Variants in ADAMTS14 observed in about 807,000 individuals in gnomAD.
ADAMTS14 encodes the protein ADAM metallopeptidase with thrombospondin type 1 motif 14.
ADAMTS14 carries 100 observed loss-of-function variants against 128.6 expected under a neutral mutation model. The observed-to-expected ratio is 0.78, with a 90% CI of 0.66 to 0.92. The LOEUF (loss-of-function observed/expected upper bound fraction) is 0.92. Ranked by LOEUF, ADAMTS14 falls within the 40% of genes least tolerant of loss-of-function variation. ADAMTS14 has a pLI of 0.00. For missense variants in ADAMTS14, 1,562 were observed against 1,658.6 expected, an observed-to-expected ratio of 0.94 and a Z score of 1.01; for synonymous variants, 665 against 653.8, an observed-to-expected ratio of 1.02 and a Z score of -0.26.
chr10:70,759,044 G>C (rs10823613), intron 21 of ADAMTS14, among the ~76,000 whole-genome samples: 84,683 of 150,296 alleles, frequency 0.56, 23,979 homozygotes, highest in Admixed American at 0.62. Flanking sequence ...CTGCAAATTC[G>C]TTAACCTCTC....
At chr10:70,700,002 C>T (rs1840446959) in intron 2 of ADAMTS14, among the ~76,000 whole-genome samples, 1 of 151,946 alleles carries the variant, frequency 6.6e-6, no homozygotes, top group Admixed American at 6.5e-5. Context: ...AGGAACAGCC[C>T]CTCTGGGTAT....
intron 21 of ADAMTS14, among the ~76,000 whole-genome samples, chr10:70,758,594 A>AT (rs1324947539): frequency 6.6e-6 from 1 of 152,266 alleles, no homozygotes; most frequent in African/African-American, 2.4e-5. Flanking sequence ...TTACAAGGTG[A>AT]TATCTCAGGC....
intron 19 of ADAMTS14, among the ~76,000 whole-genome samples, chr10:70,756,135 A>G (rs1461199225): frequency 6.6e-6 from 1 of 152,212 alleles, no homozygotes; most frequent in Non-Finnish European, 1.5e-5. Flanking sequence ...AGTATGAAGT[A>G]AAAAAGCACT....
chr10:70,751,010 A>C (rs906840354), intron 16 of ADAMTS14, among the ~76,000 whole-genome samples: 9 of 152,232 alleles, frequency 5.9e-5, no homozygotes, highest in Non-Finnish European at 5.9e-5. Flanking sequence ...TCAAGATTGA[A>C]AACTTAAGTG....
intron 4 of ADAMTS14, among the ~76,000 whole-genome samples, chr10:70,722,526 A>G (rs1442832221): frequency 6.6e-6 from 1 of 152,194 alleles, no homozygotes; most frequent in East Asian, 1.9e-4. Context: ...CCCTGAAAAC[A>G]GGGATAGCAT....
At position 70,702,401 on chromosome 10, in the gene ADAMTS14, T is replaced by C. The variant is rs772708307; in HGVS notation, c.612T>C (p.His204=). 6 of 1,613,842 alleles carry C rather than the reference T, an allele frequency of 3.7e-6. No individual in the cohort carries two copies. The Admixed American group carries it at 8.3e-5, about 22-fold the overall frequency. The part of the protein sequence containing the change: ...QQEKEASGRT[H]VVYRREAVQQ... ...AGAAGGAGGCCAGCGGGAGGACACA[T>C]GTGGTGTACCGCCGGGAGGCCGTCC... Residue 204 remains histidine, a synonymous_variant, in exon 3 of 22, where the codon CAT becomes CAC. Transcript: ENST00000373207.
intron 4 of ADAMTS14, among the ~76,000 whole-genome samples, chr10:70,713,016 G>C (rs1268865112): frequency 6.6e-6 from 1 of 152,236 alleles, no homozygotes; most frequent in East Asian, 1.9e-4. Flanking sequence ...TTAGGAGAGT[G>C]AGAGTGCCCA....
intron 2 of ADAMTS14, among the ~76,000 whole-genome samples, chr10:70,692,312 G>A (rs1263522955): frequency 6.6e-6 from 1 of 152,114 alleles, no homozygotes; most frequent in East Asian, 1.9e-4. Context: ...CTGTGAACCC[G>A]GCTCCAGGAG....
intron 4 of ADAMTS14, among the ~76,000 whole-genome samples, chr10:70,717,460 C>A (rs1256534912): frequency 6.6e-6 from 1 of 152,136 alleles, no homozygotes; most frequent in Non-Finnish European, 1.5e-5. Flanking sequence ...CCTGCAGAGA[C>A]CTCCCTGGCA....
chr10:70,691,859 G>A (rs866975072), intron 2 of ADAMTS14, among the ~76,000 whole-genome samples: 6 of 151,688 alleles, frequency 4.0e-5, no homozygotes, highest in East Asian at 1.9e-4. Flanking sequence ...TTGTATGCTC[G>A]TTTCCTCTCT....
In ADAMTS14 at chr10:70,745,237, CTGG is replaced by C; in HGVS notation, c.2197_2199del (p.Val733del). ...CCTGTGTGTGGCAGGAGCTCTCAAG[CTGG>C]TGCAGATCCCAGCAGGTGCCAGGCA... is the stretch of plus-strand genomic sequence containing the variant. On this transcript the variant is annotated inframe_deletion, in exon 15 of 22. Transcript: ENST00000373207. 6.2e-7 allele frequency: 1 copy of C among 1,612,034 alleles called. No homozygotes were observed. The highest frequency in any genetic ancestry group is 2.1e-4 in the Middle Eastern group (1 of 4,842).
chr10:70,749,403 A>G (rs1842280318), intron 15 of ADAMTS14, among the ~76,000 whole-genome samples: 1 of 152,168 alleles, frequency 6.6e-6, no homozygotes, highest in Non-Finnish European at 1.5e-5. Context: ...ATCCGACTCC[A>G]GAGTCTGTAC....
chr10:70,749,706 G>C, intron 15 of ADAMTS14, 116 bp from the exon 16 acceptor site: 1 of 1,330,126 alleles, frequency 7.5e-7, no homozygotes, highest in East Asian at 2.5e-5. Context: ...GGGAAGGAAA[G>C]GCCGGTGGAC....
At chr10:70,716,169 A>G (rs979119932) in intron 4 of ADAMTS14, among the ~76,000 whole-genome samples, 1 of 152,144 alleles carries the variant, frequency 6.6e-6, no homozygotes, top group South Asian at 2.1e-4. Context: ...TCTGCCAGAA[A>G]GTGGGTGAGG....
intron 12 of ADAMTS14, among the ~76,000 whole-genome samples, chr10:70,742,309 C>T (rs1363590805): frequency 9.9e-5 from 15 of 151,986 alleles, no homozygotes; most frequent in Admixed American, 7.2e-4. Flanking sequence ...CTACAGGAAT[C>T]TGGTTCCTGT....
At chr10:70,747,495 A>G (rs1842215129) in intron 15 of ADAMTS14, among the ~76,000 whole-genome samples, 1 of 152,164 alleles carries the variant, frequency 6.6e-6, no homozygotes, top group African/African-American at 2.4e-5. Flanking sequence ...GGAAGGGGCA[A>G]GGAGAGAAGG....
chr10:70,754,131 TC>T, intron 19 of ADAMTS14, 124 bp downstream of exon 19: 1 of 955,946 alleles, frequency 1.0e-6, no homozygotes, highest in Non-Finnish European at 1.5e-6. Context: ...AATTTTGTTT[TC>T]CTTAAAGTAG....
At chr10:70,714,542 G>A (rs1840963897) in intron 4 of ADAMTS14, among the ~76,000 whole-genome samples, 1 of 152,210 alleles carries the variant, frequency 6.6e-6, no homozygotes, top group South Asian at 2.1e-4. Flanking sequence ...GTTCAGTACT[G>A]GAGGGCTTGT....
chr10:70,748,289 G>GT (rs1450947862), intron 15 of ADAMTS14, among the ~76,000 whole-genome samples: 2 of 152,192 alleles, frequency 1.3e-5, no homozygotes, highest in African/African-American at 2.4e-5. Flanking sequence ...GGAATGAGGG[G>GT]TGCATAATCA....
Sources: allele counts gnomAD v4.1 joint callset (sites outside exome capture counted in the v4.1 genomes callset), GRCh38; gene constraint gnomAD v4.1.1; transcripts MANE v1.5; gene names NCBI Gene and HGNC (gene_info 2026-07-23, HGNC 2026-07-21).